The following PARP16 variants were observed in gnomAD, a reference collection of about 807,000 sequenced individuals.
PARP16 encodes protein mono-ADP-ribosyltransferase PARP16.
In PARP16, 31 loss-of-function variants were observed where a neutral mutation model predicts 35.0. That is an observed-to-expected ratio of 0.88 (90% CI 0.66 to 1.19). PARP16 has a LOEUF of 1.19. Among genes scored for constraint, PARP16 ranks in the 50% most tolerant of loss-of-function variants. PARP16 has a pLI of 0.00. For synonymous variants in PARP16, 162 were observed against 169.5 expected (o/e 0.96, Z 0.34); for missense variants, 424 against 411.2 (o/e 1.03, Z -0.27).
chr15:65,262,010 C>G (rs563755166), intron 4 of PARP16, among the ~76,000 whole-genome samples: 1 of 152,052 alleles, frequency 6.6e-6, no homozygotes, highest in Non-Finnish European at 1.5e-5. Context: ...CCATGCTGTC[C>G]GGTTTGGGAG....
At chr15:65,270,373 A>T (rs2090055264) in intron 2 of PARP16, among the ~76,000 whole-genome samples, 1 of 152,180 alleles carries the variant, frequency 6.6e-6, no homozygotes, top group Admixed American at 6.5e-5. Flanking sequence ...AATGGAAAAA[A>T]GGAGGCCCTT....
chr15:65,274,298 T>G (rs981018910), intron 1 of PARP16, among the ~76,000 whole-genome samples: 1 of 151,590 alleles, frequency 6.6e-6, no homozygotes, highest in East Asian at 1.9e-4. Flanking sequence ...TGGTGACTTA[T>G]GCCTGTAATC....
intron 4 of PARP16, 79 bp downstream of exon 4, chr15:65,263,070 T>C (rs1209448069): frequency 5.1e-6 from 7 of 1,367,344 alleles, no homozygotes; most frequent in Non-Finnish European, 6.1e-6. Flanking sequence ...ATGGGTGCTC[T>C]ACCCAACAGC....
exon 4 of PARP16, chr15:65,234,525 A>G (rs1471510298): frequency 2.6e-5 from 4 of 152,194 alleles, no homozygotes; most frequent in Admixed American, 1.3e-4. Context: ...CCAGCTGTCT[A>G]CTGCTGCATA....
chr15:65,258,084 C>T (rs1413716649), downstream of PARP16: 3 of 152,208 alleles, frequency 2.0e-5, no homozygotes, highest in Non-Finnish European at 4.4e-5. Context: ...AAAGCACTCA[C>T]AAAGGCAACT....
intron 5 of PARP16, 77 bp from the exon 6 acceptor site, chr15:65,259,619 C>A: frequency 7.5e-7 from 1 of 1,332,508 alleles, no homozygotes; most frequent in South Asian, 1.3e-5. Flanking sequence ...ACAAGTCTGG[C>A]TCTAAGAAGA....
intron 2 of PARP16, among the ~76,000 whole-genome samples, chr15:65,269,176 T>TTTTCTC (rs1555423775): frequency 6.8e-6 from 1 of 146,054 alleles, no homozygotes; most frequent in Non-Finnish European, 1.5e-5. Context: ...TAGTCGGTTT[T>TTTTCTC]TTTCTTTCTT....
intron 3 of PARP16, among the ~76,000 whole-genome samples, chr15:65,266,022 AG>A (rs1446094553): frequency 6.6e-6 from 1 of 152,090 alleles, no homozygotes; most frequent in Non-Finnish European, 1.5e-5. Flanking sequence ...TCTGCCTCCC[AG>A]GTTCAAGCAA....
At chr15:65,254,563 G>T (rs1190483862), downstream of PARP16, among the ~76,000 whole-genome samples, 1 of 152,066 alleles carries the variant, frequency 6.6e-6, no homozygotes, top group Non-Finnish European at 1.5e-5. Context: ...GAGGGGAGCG[G>T]GGAGAGAGAC....
At chr15:65,249,775 G>A (rs1440923026) in intron 2 of PARP16, among the ~76,000 whole-genome samples, 1 of 152,250 alleles carries the variant, frequency 6.6e-6, no homozygotes, top group African/African-American at 2.4e-5. Flanking sequence ...GGGGTGGAAG[G>A]GAGGGGCCAT....
chr15:65,267,140 C>G (rs1241444904), intron 2 of PARP16, among the ~76,000 whole-genome samples: 1 of 151,992 alleles, frequency 6.6e-6, no homozygotes, highest in Non-Finnish European at 1.5e-5. Flanking sequence ...ACTTAGGAGG[C>G]TGAGGCAGAA....
At position 65,240,765 on chromosome 15, in the gene PARP16, C is replaced by CTT. The variant is rs1463985934; in HGVS notation, c.*98-5943_*98-5942insAA. Among the ~76,000 whole-genome samples, 52 of 150,668 alleles carry CTT rather than the reference C, an allele frequency of 3.5e-4. 1 individual carries two copies. The South Asian group carries it at 0.011, about 33-fold the overall frequency. On this transcript the variant is annotated intron_variant and NMD_transcript_variant, in intron 3 of 3. Transcript: ENST00000559805. Reference sequence around the variant, plus strand: ...TGCTGTCGTTTTTCTTGGGTAAATACCTAGGAGAGAAGTGACTGGATCATG... The same window carrying CTT: ...TGCTGTCGTTTTTCTTGGGTAAATACTTCTAGGAGAGAAGTGACTGGATCATG...
chr15:65,278,647 G>A (rs1256323897), intron 1 of PARP16, among the ~76,000 whole-genome samples: 6 of 152,202 alleles, frequency 3.9e-5, no homozygotes, highest in Non-Finnish European at 2.9e-5. Context: ...GGAGGAGGTG[G>A]CCCAGGAATC....
intron 2 of PARP16, 35 bp from the exon 3 acceptor site, chr15:65,266,803 G>A: frequency 6.6e-7 from 1 of 1,507,778 alleles, no homozygotes; most frequent in Non-Finnish European, 9.2e-7. Flanking sequence ...ATTTTATTTG[G>A]GGAGCTGGTA....
intron 1 of PARP16, among the ~76,000 whole-genome samples, chr15:65,276,083 G>C (rs2090245377): frequency 1.3e-5 from 2 of 152,220 alleles, no homozygotes; most frequent in South Asian, 4.1e-4. Flanking sequence ...TACTGCATCT[G>C]CCCAGACAGG....
At chr15:65,269,207 T>TCTTTCTTTCTTTCTTTCTTTC (rs71136333) in intron 2 of PARP16, among the ~76,000 whole-genome samples, 1 of 150,856 alleles carries the variant, frequency 6.6e-6, no homozygotes, top group East Asian at 2.0e-4. Flanking sequence ...TTTCTTTCTT[T>TCTTTCTTTCTTTCTTTCTTTC]TTTTTTTGAG....
downstream of PARP16, among the ~76,000 whole-genome samples, chr15:65,257,205 T>C (rs2089540079): frequency 6.6e-6 from 1 of 152,086 alleles, no homozygotes; most frequent in African/African-American, 2.4e-5. Flanking sequence ...TCACTTGAGG[T>C]CAGGAGTTCA....
intron 3 of PARP16, among the ~76,000 whole-genome samples, chr15:65,264,626 C>T (rs1182199271): frequency 6.6e-6 from 1 of 152,212 alleles, no homozygotes; most frequent in East Asian, 1.9e-4. Context: ...TCTCCAATGA[C>T]ACTGGATGCC....
At chr15:65,236,873 G>C (rs2088892486) in intron 3 of PARP16, among the ~76,000 whole-genome samples, 1 of 151,478 alleles carries the variant, frequency 6.6e-6, no homozygotes, top group South Asian at 2.1e-4. Flanking sequence ...TCGGGAGGCT[G>C]AGGCAGGAGA....
Sources: allele counts gnomAD v4.1 joint callset (sites outside exome capture counted in the v4.1 genomes callset), GRCh38; gene constraint gnomAD v4.1.1; transcripts MANE v1.5; gene names NCBI Gene and HGNC (gene_info 2026-07-23, HGNC 2026-07-21).